The following COX7B2 variants were observed in gnomAD, a reference collection of about 807,000 sequenced individuals.
The protein encoded by COX7B2 is cytochrome c oxidase subunit 7B2, also known as cytochrome c oxidase subunit 7B2, mitochondrial.
For synonymous variants in COX7B2, 37 were observed against 32.1 expected (o/e 1.15, Z -0.51); for missense variants, 109 against 95.9 (o/e 1.14, Z -0.57).
At chr4:46,868,059 A>G (rs562891933) in intron 1 of COX7B2, among the ~76,000 whole-genome samples, 1 of 152,060 alleles carries the variant, frequency 6.6e-6, no homozygotes, top group Non-Finnish European at 1.5e-5. Flanking sequence ...TTCAGAACTC[A>G]TTATTGGTCT....
intron 2 of COX7B2, among the ~76,000 whole-genome samples, chr4:46,840,025 C>G (rs1175443869): frequency 6.6e-6 from 1 of 152,000 alleles, no homozygotes; most frequent in African/African-American, 2.4e-5. Flanking sequence ...TCAACACAAC[C>G]TGAGGACGTT....
chr4:46,889,901 T>G (rs1224478657), intron 1 of COX7B2, among the ~76,000 whole-genome samples: 1 of 111,830 alleles, frequency 8.9e-6, no homozygotes, highest in African/African-American at 3.3e-5. Context: ...TCAGTATGGT[T>G]TTTTTTTTTT....
chr4:46,908,767 C>T (rs980397683), intron 1 of COX7B2, among the ~76,000 whole-genome samples: 48 of 139,322 alleles, frequency 3.4e-4, no homozygotes, highest in Non-Finnish European at 7.1e-4. Flanking sequence ...TCTGGCCGGG[C>T]GCAGTGGCTC....
intron 1 of COX7B2, among the ~76,000 whole-genome samples, chr4:46,847,476 C>T (rs1716364982): frequency 6.6e-6 from 1 of 152,058 alleles, no homozygotes; most frequent in African/African-American, 2.4e-5. Context: ...GTCAAGCATT[C>T]GGATGATATC....
At chr4:46,735,325 G>T in intron 2 of COX7B2, 84 bp from the exon 3 acceptor site, 1 of 1,004,682 alleles carries the variant, frequency 1.0e-6, no homozygotes, top group Non-Finnish European at 1.5e-6. Context: ...ATCACCCCTT[G>T]GAGTGGTGTT....
At chr4:46,850,499 A>T (rs1716605749) in intron 1 of COX7B2, among the ~76,000 whole-genome samples, 1 of 152,102 alleles carries the variant, frequency 6.6e-6, no homozygotes, top group Non-Finnish European at 1.5e-5. Context: ...AATAATATAG[A>T]TATCTCACAT....
At chr4:46,740,650 G>A (rs1365908560) in intron 2 of COX7B2, among the ~76,000 whole-genome samples, 1 of 151,958 alleles carries the variant, frequency 6.6e-6, no homozygotes, top group African/African-American at 2.4e-5. Context: ...TGACAAAAAT[G>A]CCAAAAATTT....
At chr4:46,743,851 T>C (rs1429496230) in intron 2 of COX7B2, among the ~76,000 whole-genome samples, 1 of 152,166 alleles carries the variant, frequency 6.6e-6, no homozygotes, top group Non-Finnish European at 1.5e-5. Context: ...GTTCTCAATA[T>C]TGTTACATCA....
At chr4:46,735,765 C>T (rs937770022) in intron 2 of COX7B2, among the ~76,000 whole-genome samples, 1 of 152,172 alleles carries the variant, frequency 6.6e-6, no homozygotes, top group African/African-American at 2.4e-5. Context: ...CCATATCTCA[C>T]TAAGTTGAAT....
intron 2 of COX7B2, among the ~76,000 whole-genome samples, chr4:46,817,420 C>T (rs1374658049): frequency 4.6e-5 from 7 of 152,290 alleles, no homozygotes; most frequent in East Asian, 1.9e-4. Flanking sequence ...ACATTTCAGT[C>T]TCTCAGTCCC....
At chr4:46,855,196 A>C (rs1464314690) in intron 1 of COX7B2, among the ~76,000 whole-genome samples, 3 of 152,202 alleles carry the variant, frequency 2.0e-5, no homozygotes, top group Non-Finnish European at 2.9e-5. Context: ...GCATGGTGGC[A>C]CACACCTGTA....
At chr4:46,855,971 C>T (rs968144639) in intron 1 of COX7B2, among the ~76,000 whole-genome samples, 1 of 152,008 alleles carries the variant, frequency 6.6e-6, no homozygotes, top group African/African-American at 2.4e-5. Context: ...TGGCTGGGCG[C>T]GGTGGCTCAC....
At chr4:46,883,833 A>G (rs1367137871) in intron 1 of COX7B2, among the ~76,000 whole-genome samples, 1 of 152,050 alleles carries the variant, frequency 6.6e-6, no homozygotes, top group Non-Finnish European at 1.5e-5. Flanking sequence ...TCAAAACTTA[A>G]ATAACCTGCT....
intron 2 of COX7B2, among the ~76,000 whole-genome samples, chr4:46,803,396 T>C (rs976747878): frequency 6.6e-5 from 10 of 152,094 alleles, no homozygotes; most frequent in Non-Finnish European, 1.3e-4. Flanking sequence ...AAATAATTAT[T>C]TGTTGTATAT....
chr4:46,782,920 C>T (rs1000332800), intron 2 of COX7B2, among the ~76,000 whole-genome samples: 2 of 152,148 alleles, frequency 1.3e-5, no homozygotes, highest in African/African-American at 4.8e-5. Flanking sequence ...TAACACTCAC[C>T]GTGAGGGTCC....
In COX7B2 at chr4:46,900,776, A is replaced by G. The variant is rs530452941; in HGVS notation, c.-105+8384T>C. Among the ~76,000 whole-genome samples, 218 of 152,266 alleles carry G rather than the reference A, an allele frequency of 1.4e-3. 3 individuals are homozygous for G. Among genetic ancestry groups the G allele is most frequent in the African/African-American group, 5.1e-3 (212 of 41,556 alleles). ...TGTGAGAATACAGCAAGAAGATGTC[A>G]TTTATAAGCAAATGGTGCCCTCACC... On this transcript the variant is annotated intron_variant, in intron 1 of 2. Coordinates refer to ENST00000355591, the MANE Select transcript of COX7B2 (RefSeq NM_130902.3).
chr4:46,848,439 T>C (rs1405407438), intron 1 of COX7B2, among the ~76,000 whole-genome samples: 1 of 152,122 alleles, frequency 6.6e-6, no homozygotes, highest in Non-Finnish European at 1.5e-5. Context: ...TTGCTTTTTG[T>C]ATACCTATAA....
intron 2 of COX7B2, among the ~76,000 whole-genome samples, chr4:46,776,278 C>G (rs1717148354): frequency 6.6e-6 from 1 of 151,886 alleles, no homozygotes; most frequent in South Asian, 2.1e-4. Context: ...ATAATGATGG[C>G]AAAAATATAA....
At chr4:46,782,558 G>A (rs953518278) in intron 2 of COX7B2, among the ~76,000 whole-genome samples, 2 of 152,178 alleles carry the variant, frequency 1.3e-5, no homozygotes, top group Non-Finnish European at 2.9e-5. Context: ...CTGCCCAAGC[G>A]AGCAGCAGCA....
Sources: gnomAD v4.1 joint callset for allele counts (sites outside exome capture counted in the v4.1 genomes callset) on GRCh38, gnomAD v4.1.1 for gene constraint, MANE v1.5 for transcripts, NCBI Gene and HGNC (gene_info 2026-07-23, HGNC 2026-07-21) for gene names.